ARHGAP10: variants seen among roughly 807,000 people sequenced by gnomAD.
The protein encoded by ARHGAP10 is Rho GTPase activating protein 10.
Under a neutral mutation model 108.6 loss-of-function variants are expected in ARHGAP10, and 87 were observed. The ratio of observed to expected loss-of-function variants is 0.80; its 90% confidence interval spans 0.67 to 0.96. The LOEUF is 0.96. ARHGAP10 is among the 40% of genes least tolerant of loss of function. ARHGAP10 has a pLI of 0.00. For missense variants in ARHGAP10, 939 were observed against 954.5 expected, an observed-to-expected ratio of 0.98 and a Z score of 0.21; for synonymous variants, 347 against 341.1, an observed-to-expected ratio of 1.02 and a Z score of -0.19.
chr4:147,754,455 G>A (rs758612094), intron 1 of ARHGAP10, among the ~76,000 whole-genome samples: 2 of 152,092 alleles, frequency 1.3e-5, no homozygotes, highest in Non-Finnish European at 2.9e-5. Flanking sequence ...AGTGTTCTGG[G>A]GCACAGTTGG....
intron 13 of ARHGAP10, among the ~76,000 whole-genome samples, chr4:147,920,542 C>T (rs1737195650): frequency 1.3e-5 from 2 of 152,168 alleles, no homozygotes; most frequent in African/African-American, 4.8e-5. Context: ...AACCCTAGTT[C>T]TAATCAGAAG....
chr4:147,880,613 C>A (rs557853167), intron 9 of ARHGAP10, among the ~76,000 whole-genome samples: 1 of 152,152 alleles, frequency 6.6e-6, no homozygotes, highest in African/African-American at 2.4e-5. Context: ...GAGATCTTCA[C>A]GTTCTGGAAA....
At chr4:148,046,598 G>A (rs909346038) in intron 19 of ARHGAP10, among the ~76,000 whole-genome samples, 2 of 152,146 alleles carry the variant, frequency 1.3e-5, no homozygotes, top group African/African-American at 2.4e-5. Context: ...CCTGGACTCC[G>A]TATAGTGAGG....
At chr4:147,758,948 C>T (rs988465298) in intron 1 of ARHGAP10, among the ~76,000 whole-genome samples, 13 of 140,898 alleles carry the variant, frequency 9.2e-5, no homozygotes, top group South Asian at 4.5e-4. Flanking sequence ...CACTGCACTC[C>T]GGTCTGGGTA....
intron 1 of ARHGAP10, among the ~76,000 whole-genome samples, chr4:147,805,881 CT>C (rs1246685195): frequency 6.6e-6 from 1 of 152,138 alleles, no homozygotes; most frequent in Non-Finnish European, 1.5e-5. Context: ...GATAACACGC[CT>C]ATGAAACTTT....
At chr4:147,898,972 A>G (rs944706940) in intron 10 of ARHGAP10, among the ~76,000 whole-genome samples, 4 of 152,170 alleles carry the variant, frequency 2.6e-5, no homozygotes, top group Non-Finnish European at 5.9e-5. Context: ...CCCTTTCTCG[A>G]CATGTGGGGA....
chr4:147,820,897 A>T (rs1251175847), intron 1 of ARHGAP10, among the ~76,000 whole-genome samples: 1 of 151,988 alleles, frequency 6.6e-6, no homozygotes, highest in Non-Finnish European at 1.5e-5. Flanking sequence ...GCCATATTTT[A>T]CATTTTAACA....
intron 19 of ARHGAP10, among the ~76,000 whole-genome samples, chr4:148,027,921 A>G (rs1490031777): frequency 6.6e-6 from 1 of 152,022 alleles, no homozygotes; most frequent in Non-Finnish European, 1.5e-5. Flanking sequence ...ACCATTTATT[A>G]GTGGTTTTTA....
At position 147,881,893 on chromosome 4, in the gene ARHGAP10, T is replaced by C. The variant is rs769655337; in HGVS notation, c.995T>C (p.Ile332Thr). The change falls in exon 10 of 23, where the codon ATT (isoleucine) becomes ACT (threonine). Residue 332 changes from isoleucine (I) to threonine (T), a missense_variant. By Grantham distance (89) the Ile-to-Thr change is moderately conservative. Transcript: ENST00000336498. The part of the protein sequence containing the change: ...KECTKRHTDS[I>T]DRRFCFDIEA... ...TGTACCAAGAGGCATACTGACTCCATTGACAGAAGGTTTTGTTTTGACATA... is the reference window on the plus strand; with the variant it reads ...TGTACCAAGAGGCATACTGACTCCACTGACAGAAGGTTTTGTTTTGACATA... 11 of 1,614,012 alleles carry C rather than the reference T, an allele frequency of 6.8e-6. No individual in the cohort carries two copies. Among genetic ancestry groups the C allele is most frequent in the East Asian group, 2.2e-5 (1 of 44,886 alleles).
rs765454735 is a variant in ARHGAP10, at chr4:147,955,386, G to A, written c.1450+12G>A. On this transcript the variant is annotated intron_variant, in intron 16 of 22. Transcript: ENST00000336498. ...CATTGTTCCAGCCAGTAAGTATTAT[G>A]TAAAGGTATATAGGAACAGTTTTGT... The A allele has an allele frequency of 2.6e-5, 42 of 1,606,538 alleles. 1 individual carries two copies. The Admixed American group carries it at 4.4e-4, about 17-fold the overall frequency.
At chr4:148,017,816 T>C (rs1213472218) in intron 18 of ARHGAP10, among the ~76,000 whole-genome samples, 1 of 152,124 alleles carries the variant, frequency 6.6e-6, no homozygotes, top group African/African-American at 2.4e-5. Context: ...AAGCAAAATT[T>C]GCAGAGACCA....
chr4:147,822,598 T>G (rs1057202636), intron 1 of ARHGAP10, 129 bp from the exon 2 acceptor site: 1 of 897,876 alleles, frequency 1.1e-6, no homozygotes, highest in Admixed American at 2.4e-5. Flanking sequence ...GCAAGGGAGT[T>G]GGGTCATGCC....
intron 18 of ARHGAP10, among the ~76,000 whole-genome samples, chr4:147,967,663 T>C (rs994582583): frequency 6.6e-6 from 1 of 152,226 alleles, no homozygotes; most frequent in Non-Finnish European, 1.5e-5. Context: ...TTAGATATTG[T>C]CTATGGCTAC....
intron 18 of ARHGAP10, among the ~76,000 whole-genome samples, chr4:148,009,431 C>T (rs564651300): frequency 9.9e-5 from 15 of 152,176 alleles, no homozygotes; most frequent in Non-Finnish European, 1.6e-4. Flanking sequence ...CATGCCTGGC[C>T]GAGATCCTCA....
At chr4:148,013,841 A>G (rs1018905613) in intron 18 of ARHGAP10, among the ~76,000 whole-genome samples, 4 of 152,208 alleles carry the variant, frequency 2.6e-5, no homozygotes, top group Admixed American at 2.0e-4. Context: ...AAGTTTCACC[A>G]GTGTCATTTA....
chr4:147,954,822 C>G (rs2126983063), intron 15 of ARHGAP10, among the ~76,000 whole-genome samples: 1 of 152,002 alleles, frequency 6.6e-6, no homozygotes, highest in Non-Finnish European at 1.5e-5. Context: ...TATTTCATCT[C>G]TCATCTTATA....
chr4:147,812,844 A>G (rs960486653), intron 1 of ARHGAP10, among the ~76,000 whole-genome samples: 1 of 152,166 alleles, frequency 6.6e-6, no homozygotes, highest in African/African-American at 2.4e-5. Flanking sequence ...TCTCTAAAAT[A>G]CAGTGTGAAA....
chr4:147,833,316 G>A (rs1304781758), intron 3 of ARHGAP10, among the ~76,000 whole-genome samples: 1 of 152,144 alleles, frequency 6.6e-6, no homozygotes, highest in Non-Finnish European at 1.5e-5. Context: ...TCTCACGAGA[G>A]CTGATGGTTT....
In ARHGAP10 at chr4:148,001,911, C is replaced by A. The variant is rs563593227; in HGVS notation, c.1717-21352C>A. Reference sequence around the variant, plus strand: ...CTAATTGAATACCCTTTATTTCTTTCTCCTGCCTGATTGCCCTGGCCAGAA... The same window carrying A: ...CTAATTGAATACCCTTTATTTCTTTATCCTGCCTGATTGCCCTGGCCAGAA... On this transcript the variant is annotated intron_variant, in intron 18 of 22. Coordinates refer to ENST00000336498, the MANE Select transcript of ARHGAP10 (RefSeq NM_024605.4). Among the ~76,000 whole-genome samples the A allele has an allele frequency of 7.5e-4, 114 of 152,260 alleles. 1 individual carries two copies. Among genetic ancestry groups the A allele is most frequent in the Middle Eastern group, 6.8e-3 (2 of 294 alleles).
Sources: gnomAD v4.1 joint callset for allele counts (sites outside exome capture counted in the v4.1 genomes callset) on GRCh38, gnomAD v4.1.1 for gene constraint, MANE v1.5 for transcripts, NCBI Gene and HGNC (gene_info 2026-07-23, HGNC 2026-07-21) for gene names.